PRKG1: variants seen among roughly 807,000 people sequenced by gnomAD.
PRKG1 encodes cGMP-dependent protein kinase 1.
PRKG1 carries 35 observed loss-of-function variants against 88.1 expected under a neutral mutation model. The observed-to-expected ratio is 0.40, with a 90% CI of 0.30 to 0.53. The LOEUF (loss-of-function observed/expected upper bound fraction) is 0.53, where lower values mean the gene tolerates loss of function less well. Among genes scored for constraint, PRKG1 ranks in the 20% least tolerant of loss-of-function variants. The pLI is 0.59. For synonymous variants in PRKG1, 303 were observed against 292.5 expected (o/e 1.04, Z -0.37); for missense variants, 540 against 839.8 (o/e 0.64, Z 4.41).
intron 6 of PRKG1, among the ~76,000 whole-genome samples, chr10:52,061,112 T>A (rs142615936): frequency 6.0e-4 from 91 of 152,128 alleles, no homozygotes; most frequent in African/African-American, 2.0e-3. Context: ...GCATGCAAAT[T>A]AGTGTCTCTG....
intron 1 of PRKG1, chr10:51,068,431 A>G (rs1843781792): frequency 6.6e-6 from 1 of 151,980 alleles, no homozygotes; most frequent in South Asian, 2.1e-4. Context: ...TAAAAATTCA[A>G]TTCACCCAAA....
At chr10:51,123,383 T>C (rs1644931711) in intron 1 of PRKG1, among the ~76,000 whole-genome samples, 1 of 152,120 alleles carries the variant, frequency 6.6e-6, no homozygotes, top group South Asian at 2.1e-4. Flanking sequence ...CTTTCTTGCG[T>C]TGCTATAAAT....
intron 3 of PRKG1, among the ~76,000 whole-genome samples, chr10:51,678,351 A>T (rs1031053708): frequency 2.6e-5 from 4 of 152,150 alleles, no homozygotes; most frequent in African/African-American, 9.7e-5. Context: ...CATTCTGGGA[A>T]TTTACATATT....
intron 3 of PRKG1, among the ~76,000 whole-genome samples, chr10:51,481,674 G>A (rs906612711): frequency 6.6e-6 from 1 of 151,538 alleles, no homozygotes; most frequent in African/African-American, 2.4e-5. Context: ...CTCAGTTCTT[G>A]CTTTTATTTC....
At chr10:51,482,122 C>A (rs1840381325) in intron 3 of PRKG1, among the ~76,000 whole-genome samples, 1 of 152,148 alleles carries the variant, frequency 6.6e-6, no homozygotes, top group Non-Finnish European at 1.5e-5. Context: ...TCCCTTTCAA[C>A]CTTCCCTTAC....
At chr10:51,706,056 C>A in intron 3 of PRKG1, among the ~76,000 whole-genome samples, 1 of 152,142 alleles carries the variant, frequency 6.6e-6, no homozygotes, top group East Asian at 1.9e-4. Flanking sequence ...AACAGATGGA[C>A]TGTGAGGTAT....
intron 2 of PRKG1, among the ~76,000 whole-genome samples, chr10:51,287,208 G>A (rs1054969376): frequency 3.9e-5 from 6 of 152,064 alleles, no homozygotes; most frequent in African/African-American, 1.4e-4. Flanking sequence ...ATCTTTACAA[G>A]GTCTGGATTC....
rs1270301389 is a variant in PRKG1 at position 51,401,565 on chromosome 10, AG to A, written c.479-66157del. On this transcript the variant is annotated intron_variant, in intron 2 of 17. Transcript: ENST00000373980. Reference sequence around the variant, plus strand: ...CTGAAAAGTTCTCTAAGCAGGGAAAAGTTGTTAAGCATTTTAAAACTGTTTT... The same window carrying A: ...CTGAAAAGTTCTCTAAGCAGGGAAAATTGTTAAGCATTTTAAAACTGTTTT... Among the ~76,000 whole-genome samples the A allele has an allele frequency of 2.0e-5, 3 of 152,226 alleles. No homozygotes were observed. The East Asian group carries it at 5.8e-4, about 29-fold the overall frequency.
chr10:52,108,030 C>T (rs916403553), intron 7 of PRKG1, among the ~76,000 whole-genome samples: 8 of 152,172 alleles, frequency 5.3e-5, no homozygotes, highest in African/African-American at 1.7e-4. Flanking sequence ...ATTATACACA[C>T]GCATGCACAT....
chr10:52,172,998 T>C (rs1838751413), intron 9 of PRKG1, among the ~76,000 whole-genome samples: 1 of 152,248 alleles, frequency 6.6e-6, no homozygotes. Context: ...ATGCTTAGAA[T>C]GTGCACATTA....
chr10:51,805,709 AT>A (rs1357529252), intron 4 of PRKG1, among the ~76,000 whole-genome samples: 10 of 152,008 alleles, frequency 6.6e-5, no homozygotes, highest in African/African-American at 2.4e-4. Flanking sequence ...TTAAGATGCA[AT>A]TTTTGATATT....
intron 2 of PRKG1, among the ~76,000 whole-genome samples, chr10:51,249,036 A>G (rs1343935123): frequency 6.6e-6 from 1 of 151,812 alleles, no homozygotes; most frequent in African/African-American, 2.4e-5. Context: ...TAAAAGCAAT[A>G]TAAGGTTTAA....
intron 3 of PRKG1, among the ~76,000 whole-genome samples, chr10:51,560,800 G>T (rs1184926255): frequency 1.3e-5 from 2 of 152,014 alleles, no homozygotes; most frequent in Admixed American, 1.3e-4. Flanking sequence ...AAATGATTTT[G>T]TGATTCAATA....
intron 7 of PRKG1, among the ~76,000 whole-genome samples, chr10:52,099,784 G>A (rs10824035): frequency 0.42 from 64,145 of 151,942 alleles, 14,863 homozygotes; most frequent in Non-Finnish European, 0.51. Flanking sequence ...AAATAGCCAC[G>A]CAGTCCTGAG....
intron 5 of PRKG1, among the ~76,000 whole-genome samples, chr10:52,049,354 A>C (rs565754791): frequency 2.2e-4 from 34 of 152,266 alleles, no homozygotes; most frequent in African/African-American, 7.2e-4. Flanking sequence ...CATGCAAGTC[A>C]CAGAAAAAAA....
chr10:51,632,011 C>T lies in PRKG1; in HGVS notation c.592+164175C>T, dbSNP rs542592187. Among the ~76,000 whole-genome samples, 108 of 152,260 alleles carry T rather than the reference C, an allele frequency of 7.1e-4. 2 individuals carry two copies. In the South Asian group the frequency reaches 0.021, roughly 30 times the overall value. On this transcript the variant is annotated intron_variant, in intron 3 of 17. Coordinates refer to ENST00000373980, the MANE Select transcript of PRKG1 (RefSeq NM_006258.4). ...ATCTAAATGAAGCTTGTCCAACCTGCGGCTGGTGAACCACATGCAGCCCAG... is the reference window on the plus strand; with the variant it reads ...ATCTAAATGAAGCTTGTCCAACCTGTGGCTGGTGAACCACATGCAGCCCAG...
chr10:51,196,773 A>AT lies in PRKG1; in HGVS notation c.478+43449dup, dbSNP rs201830353. Among the ~76,000 whole-genome samples, 426 of 152,250 alleles carry AT rather than the reference A, an allele frequency of 2.8e-3. 2 individuals carry two copies. Among genetic ancestry groups the AT allele is most frequent in the African/African-American group, 9.9e-3 (411 of 41,536 alleles). ...ATATTTGAGTTATAAACATGTGTAT[A>AT]TTTTTTGTACTCTTAAACAGCTCAG... On this transcript the variant is annotated intron_variant, in intron 2 of 17. Transcript: ENST00000373980.
chr10:52,258,573 T>C (rs1841360563), intron 10 of PRKG1, among the ~76,000 whole-genome samples: 1 of 151,948 alleles, frequency 6.6e-6, no homozygotes, highest in Non-Finnish European at 1.5e-5. Context: ...AGAGCTGTTG[T>C]TATTGCCCAG....
At chr10:51,786,088 T>C (rs1838720234) in intron 3 of PRKG1, among the ~76,000 whole-genome samples, 1 of 152,172 alleles carries the variant, frequency 6.6e-6, no homozygotes, top group Non-Finnish European at 1.5e-5. Context: ...TTCCAGAATG[T>C]ATAGAGTCAA....
Sources: gnomAD v4.1 joint callset for allele counts (sites outside exome capture counted in the v4.1 genomes callset) on GRCh38, gnomAD v4.1.1 for gene constraint, MANE v1.5 for transcripts, NCBI Gene and HGNC (gene_info 2026-07-23, HGNC 2026-07-21) for gene names.